Variants in ETV1 observed in about 807,000 individuals in gnomAD.
ETV1 encodes the protein ETS translocation variant 1.
ETV1 carries 27 observed loss-of-function variants against 62.3 expected under a neutral mutation model. That is an observed-to-expected ratio of 0.43 (90% CI 0.32 to 0.60). The LOEUF (loss-of-function observed/expected upper bound fraction) is 0.60. Ranked by LOEUF, ETV1 falls within the 20% of genes least tolerant of loss-of-function variation. ETV1 has a pLI of 0.06. For missense variants in ETV1, 605 were observed against 605.8 expected, an observed-to-expected ratio of 1.00 and a Z score of 0.01; for synonymous variants, 222 against 199.6, an observed-to-expected ratio of 1.11 and a Z score of -0.94.
At chr7:13,937,340 T>A (rs1162131109) in intron 7 of ETV1, among the ~76,000 whole-genome samples, 1 of 152,228 alleles carries the variant, frequency 6.6e-6, no homozygotes, top group Non-Finnish European at 1.5e-5. Flanking sequence ...GTGAAATGGT[T>A]CACCTAACTC....
intron 9 of ETV1, among the ~76,000 whole-genome samples, chr7:13,931,211 G>A (rs1562635715): frequency 6.6e-6 from 1 of 151,988 alleles, no homozygotes; most frequent in East Asian, 1.9e-4. Context: ...ACAGAATTAA[G>A]AAAAAAAATT....
chr7:13,911,816 T>C (rs1331224830), intron 9 of ETV1, among the ~76,000 whole-genome samples: 2 of 152,240 alleles, frequency 1.3e-5, no homozygotes, highest in African/African-American at 4.8e-5. Context: ...TCTGACCATA[T>C]AAAAGACAGA....
chr7:13,978,901 C>A (rs1232717472), intron 5 of ETV1, among the ~76,000 whole-genome samples: 1 of 151,998 alleles, frequency 6.6e-6, no homozygotes, highest in Non-Finnish European at 1.5e-5. Context: ...TGTTTTCTAA[C>A]AACTCTCTTC....
intron 6 of ETV1, among the ~76,000 whole-genome samples, chr7:13,950,483 T>C (rs1324488651): frequency 2.6e-5 from 4 of 152,072 alleles, no homozygotes; most frequent in African/African-American, 9.7e-5. Context: ...AGATACAGTT[T>C]GAAAAAGCCC....
At chr7:13,965,244 C>A (rs1055351200) in intron 6 of ETV1, among the ~76,000 whole-genome samples, 1 of 152,214 alleles carries the variant, frequency 6.6e-6, no homozygotes, top group East Asian at 1.9e-4. Context: ...GCACACACTG[C>A]AGCCTAGACA....
chr7:13,898,506 A>G (rs1782068751), intron 13 of ETV1, among the ~76,000 whole-genome samples: 1 of 152,242 alleles, frequency 6.6e-6, no homozygotes, highest in Admixed American at 6.5e-5. Flanking sequence ...AGAAGTACAC[A>G]TAGGCATTGT....
In ETV1 at chr7:13,962,562, T is replaced by A. The variant is rs528751737; in HGVS notation, c.235+14865A>T. On this transcript the variant is annotated intron_variant, in intron 6 of 13. Coordinates refer to ENST00000430479, the MANE Select transcript of ETV1 (RefSeq NM_004956.5). ...ACATTAGCAAATGTTCCTGGCCTAA[T>A]TATGTGTTGCCAAATAGAGTCCAAA... Among the ~76,000 whole-genome samples the A allele has an allele frequency of 2.6e-5, 4 of 152,280 alleles. No homozygotes were observed. The South Asian group carries it at 8.3e-4, about 32-fold the overall frequency.
intron 9 of ETV1, among the ~76,000 whole-genome samples, chr7:13,914,229 T>C (rs867714553): frequency 2.0e-5 from 3 of 152,216 alleles, no homozygotes; most frequent in African/African-American, 7.2e-5. Context: ...TACCCCCTCA[T>C]GTTAGCTCCT....
At chr7:13,988,322 C>G (rs1478470650) in intron 3 of ETV1, 149 bp from the exon 4 acceptor site, 2 of 599,422 alleles carry the variant, frequency 3.3e-6, no homozygotes, top group African/African-American at 3.8e-5. Context: ...ATAGTATCAA[C>G]TCTAATATTC....
rs187506280 is a variant in ETV1, at chr7:13,930,296, T to C, written c.802+1206A>G. Among the ~76,000 whole-genome samples the C allele has an allele frequency of 1.8e-3, 267 of 152,276 alleles. 1 individual carries two copies. The highest frequency in any genetic ancestry group is 2.7e-3 in the Non-Finnish European group (186 of 68,014). On this transcript the variant is annotated intron_variant, in intron 9 of 13. Transcript: ENST00000430479. Reference sequence around the variant, plus strand: ...CTTTTAAAGTCTCAAGGTTCAAATATTGGCAAAGTTGGTGGTACTATTTGG... The same window carrying C: ...CTTTTAAAGTCTCAAGGTTCAAATACTGGCAAAGTTGGTGGTACTATTTGG...
At chr7:13,944,787 T>G (rs150901838) in intron 6 of ETV1, among the ~76,000 whole-genome samples, 1 of 152,250 alleles carries the variant, frequency 6.6e-6, no homozygotes. Flanking sequence ...ATCTCTTATT[T>G]GGAAGATTAA....
intron 5 of ETV1, among the ~76,000 whole-genome samples, chr7:13,980,689 C>A (rs1781892163): frequency 6.6e-6 from 1 of 152,020 alleles, no homozygotes. Flanking sequence ...CGTTAATAGA[C>A]CAGTTGCCAT....
Position 13,892,562 on chromosome 7 carries a change from C to G in ETV1, c.*3304G>C, listed in dbSNP as rs373878529. 2.1e-5 allele frequency: 5 copies of G among 232,626 alleles called. No individual in the cohort carries two copies. Among genetic ancestry groups the G allele is most frequent in the Non-Finnish European group, 3.4e-5 (4 of 117,772 alleles). 14.4% of individuals were successfully genotyped at this position (232,626 alleles called of 1,614,324 possible). ...TCTGAATAACAGCCCTGCCCTCACC[C>G]CTTACATCCATGTCCTAATCCCTGG... On this transcript the variant is annotated 3_prime_UTR_variant, in exon 14 of 14. Coordinates refer to ENST00000430479, the MANE Select transcript of ETV1 (RefSeq NM_004956.5).
chr7:13,905,559 C>T (rs1431167306), intron 12 of ETV1, among the ~76,000 whole-genome samples: 4 of 152,022 alleles, frequency 2.6e-5, no homozygotes, highest in African/African-American at 4.8e-5. Flanking sequence ...GCTACAGGAA[C>T]AATAGTAGCC....
Position 13,931,759 on chromosome 7 carries a change from AAG to A in ETV1, c.555-12_555-11del. ...AAGCTGGCGGCGAAATCTAGGGAAT[AAG>A]AGAGTGTGTTTCAGATGAAACGGTA... is the stretch of plus-strand genomic sequence containing the variant. On this transcript the variant is annotated splice_polypyrimidine_tract_variant and intron_variant, in intron 8 of 13. Coordinates refer to ENST00000430479, the MANE Select transcript of ETV1 (RefSeq NM_004956.5). 1 of 1,612,802 alleles carries A rather than the reference AAG, an allele frequency of 6.2e-7. No homozygotes were observed. The highest frequency in any genetic ancestry group is 8.5e-7 in the Non-Finnish European group (1 of 1,178,848).
chr7:13,906,583 C>T lies in ETV1; in HGVS notation c.957G>A (p.Glu319=), dbSNP rs763823783. The T allele has an allele frequency of 2.5e-6, 4 of 1,607,632 alleles. No homozygotes were observed. In the South Asian group the frequency reaches 4.5e-5, roughly 18 times the overall value. Residue 319 remains glutamate (E), a synonymous_variant, in exon 12 of 14, where the codon GAG becomes GAA. Coordinates refer to ENST00000430479, the MANE Select transcript of ETV1 (RefSeq NM_004956.5). Reference sequence around the variant, plus strand: ...TGGGTCCTTCCCGATACATTCCTGGCTCTTGTTTGATGTCTCCTAAATTAA... The same window carrying T: ...TGGGTCCTTCCCGATACATTCCTGGTTCTTGTTTGATGTCTCCTAAATTAA... ...PEKFDGDIKQ[E]PGMYREGPTY...
chr7:13,986,348 C>G, intron 5 of ETV1: 1 of 1,489,716 alleles, frequency 6.7e-7, no homozygotes, highest in East Asian at 2.5e-5. Flanking sequence ...CAATTAAAAT[C>G]TGAACAGAGG....
In ETV1 at chr7:13,909,653, C is replaced by G; in HGVS notation, c.919G>C (p.Val307Leu). 6.2e-7 allele frequency: 1 copy of G among 1,613,478 alleles called. No individual in the cohort carries two copies. The highest frequency in any genetic ancestry group is 2.2e-5 in the East Asian group (1 of 44,856). ...GPRQFYDDTCVVPEKFDGDIK... is the reference protein window; with the variant it reads ...GPRQFYDDTCLVPEKFDGDIK... ...CTACCATCGAATTTTTCTGGGACAA[C>G]ACAGGTGTCATCATAAAACTGCCTG... Residue 307 changes from valine to leucine, a missense_variant, in exon 11 of 14, where the codon GTT becomes CTT. This residue lies in a region of ETV1 where 100 missense variants were observed against 156.4 expected (regional missense o/e 0.64). Coordinates refer to ENST00000430479, the MANE Select transcript of ETV1 (RefSeq NM_004956.5).
intron 6 of ETV1, among the ~76,000 whole-genome samples, chr7:13,950,478 C>A (rs1212922080): frequency 6.6e-6 from 1 of 152,046 alleles, no homozygotes; most frequent in Non-Finnish European, 1.5e-5. Context: ...GAAGGAGATA[C>A]AGTTTGAAAA....
Sources: allele counts gnomAD v4.1 joint callset (sites outside exome capture counted in the v4.1 genomes callset), GRCh38; gene constraint gnomAD v4.1.1; regional missense constraint gnomAD v4.1.1; transcripts MANE v1.5; gene names NCBI Gene and HGNC (gene_info 2026-07-23, HGNC 2026-07-21).